The following VPS11 variants were observed in gnomAD, a reference collection of about 807,000 sequenced individuals.
The protein encoded by VPS11 is VPS11 core subunit of CORVET and HOPS complexes.
A neutral mutation model predicts 106.8 loss-of-function variants in VPS11; 51 were observed. The observed-to-expected ratio is 0.48, with a 90% CI of 0.38 to 0.60. The LOEUF is 0.60. Among genes scored for constraint, VPS11 ranks in the 20% least tolerant of loss-of-function variants. The pLI is 0.00. For missense variants in VPS11, 950 were observed against 1,190.0 expected, an observed-to-expected ratio of 0.80 and a Z score of 2.97; for synonymous variants, 453 against 458.7, an observed-to-expected ratio of 0.99 and a Z score of 0.16.
At chr11:119,068,648 A>G (rs893694265) in intron 1 of VPS11, among the ~76,000 whole-genome samples, 2 of 151,766 alleles carry the variant, frequency 1.3e-5, no homozygotes, top group East Asian at 3.9e-4. Flanking sequence ...GGGTTTCACC[A>G]TATTGGCCAG....
chr11:119,075,795 G>A (rs145922215), intron 7 of VPS11, among the ~76,000 whole-genome samples: 198 of 152,046 alleles, frequency 1.3e-3, no homozygotes, highest in Non-Finnish European at 1.9e-3. Flanking sequence ...CCAGCCACTC[G>A]CAAAGCTGAG....
At position 119,069,233 on chromosome 11, in the gene VPS11, A is replaced by G; in HGVS notation, c.225A>G (p.Leu75=). The change falls in exon 2 of 16, where the codon CTA becomes CTG. Residue 75 remains leucine (L), a synonymous_variant. Transcript: ENST00000621676. ...EGQIWFLPRS[L]QLTGFQAYKL... The stretch of plus-strand genomic sequence containing the variant: ...AGATCTGGTTCTTGCCACGTTCCCT[A>G]CAGCTTACAGGCTTCCAAGCCTACA... 1 of 1,613,936 alleles carries G rather than the reference A, an allele frequency of 6.2e-7. No individual in the cohort carries two copies. The highest frequency in any genetic ancestry group is 8.5e-7 in the Non-Finnish European group (1 of 1,179,874).
rs782513138 is a variant in VPS11 at position 119,078,289 on chromosome 11, C to G, written c.1878C>G (p.Leu626=). ...PDSPQGIYDT[L]LELRLQNWAH... The stretch of plus-strand genomic sequence containing the variant: ...CACCCCAGGGGATCTACGACACACT[C>G]CTTGAGCTGCGACTGCAGAACTGGG... The change falls in exon 11 of 16, where the codon CTC becomes CTG. Residue 626 remains leucine, a synonymous_variant. Coordinates refer to ENST00000621676, the MANE Select transcript of VPS11 (RefSeq NM_021729.6). The G allele has an allele frequency of 6.2e-7, 1 of 1,613,150 alleles. No homozygotes were observed. The highest frequency in any genetic ancestry group is 1.1e-5 in the South Asian group (1 of 91,082).
Position 119,078,103 on chromosome 11 carries a change from A to T in VPS11, c.1761+37A>T, listed in dbSNP as rs567079585. 6.6e-4 allele frequency: 1,066 copies of T among 1,609,184 alleles called. 13 individuals are homozygous for T. The Admixed American group carries it at 0.012, about 18-fold the overall frequency. On this transcript the variant is annotated intron_variant, in intron 10 of 15. Transcript: ENST00000621676. Reference sequence around the variant, plus strand: ...GGGAAAAGAGCTTCAGACTGTGGGGATCACCTTAAGGGCTTCCTGTATATC... The same window carrying T: ...GGGAAAAGAGCTTCAGACTGTGGGGTTCACCTTAAGGGCTTCCTGTATATC...
intron 7 of VPS11, among the ~76,000 whole-genome samples, chr11:119,076,063 T>C (rs1945604555): frequency 6.7e-6 from 1 of 149,412 alleles, no homozygotes; most frequent in Non-Finnish European, 1.5e-5. Flanking sequence ...CCGTTTCTAC[T>C]AAAAATACAA....
chr11:119,081,482 T>C lies in VPS11; in HGVS notation c.2685T>C (p.Phe895=). The part of the protein sequence containing the change: ...QHQLKCSNDS[F]SVIADYFGRG... ...AGCTCAAGTGCTCCAATGACAGCTT[T>C]TCTGTGATTGCTGACTACTTTGGCA... Residue 895 remains phenylalanine, a synonymous_variant, in exon 16 of 16, where the codon TTT becomes TTC. Transcript: ENST00000621676. The C allele has an allele frequency of 6.2e-7, 1 of 1,614,048 alleles. No homozygotes were observed. Among genetic ancestry groups the C allele is most frequent in the East Asian group, 2.2e-5 (1 of 44,890 alleles).
intron 7 of VPS11, among the ~76,000 whole-genome samples, chr11:119,076,365 A>G (rs1445844017): frequency 1.3e-5 from 2 of 151,978 alleles, no homozygotes; most frequent in Non-Finnish European, 1.5e-5. Context: ...TGCCTCTACT[A>G]AAAATACAAA....
intron 11 of VPS11, 62 bp downstream of exon 11, chr11:119,078,396 T>C (rs1344399586): frequency 6.3e-7 from 1 of 1,589,132 alleles, no homozygotes; most frequent in Non-Finnish European, 8.5e-7. Context: ...TCTTCCGTCT[T>C]GGTGGCTGCC....
intron 12 of VPS11, 38 bp downstream of exon 12, chr11:119,078,742 C>T: frequency 1.9e-6 from 3 of 1,609,002 alleles, no homozygotes; most frequent in East Asian, 2.2e-5. Flanking sequence ...GGGGAAGAAT[C>T]CAAGTCATTT....
In VPS11 at chr11:119,077,483, C is replaced by G. The variant is rs1395301886; in HGVS notation, c.1426-18C>G. ...TCTCCCTCTGTGTAAATGATTTTGT[C>G]TCATGTCTCCCTGGCAGAAAAAGAG... On this transcript the variant is annotated intron_variant, in intron 8 of 15. Transcript: ENST00000621676. 1 of 1,611,034 alleles carries G rather than the reference C, an allele frequency of 6.2e-7. No individual in the cohort carries two copies. The highest frequency in any genetic ancestry group is 8.5e-7 in the Non-Finnish European group (1 of 1,178,310).
Position 119,076,975 on chromosome 11 carries a change from C to T in VPS11, c.1317C>T (p.Tyr439=), listed in dbSNP as rs1388074468. The stretch of plus-strand genomic sequence containing the variant: ...AGCGCATTCACAACCTGACTGCCTA[C>T]CTGCAGACCCTGCACCGACAATCCC... ...DAQRIHNLTA[Y]LQTLHRQSLA... is the part of the protein sequence containing the mutation. The change falls in exon 8 of 16, where the codon TAC becomes TAT. Residue 439 remains tyrosine, a synonymous_variant. Coordinates refer to ENST00000621676, the MANE Select transcript of VPS11 (RefSeq NM_021729.6). The T allele has an allele frequency of 4.3e-6, 7 of 1,613,976 alleles. No individual in the cohort carries two copies. Among genetic ancestry groups the T allele is most frequent in the African/African-American group, 1.3e-5 (1 of 75,056 alleles).
intron 7 of VPS11, 66 bp downstream of exon 7, chr11:119,074,017 C>A (rs955157701): frequency 7.9e-6 from 12 of 1,528,096 alleles, no homozygotes; most frequent in Non-Finnish European, 1.1e-5. Flanking sequence ...TAGCTAAAGC[C>A]CATCCATGCT....
chr11:119,081,753 C>T lies in VPS11; in HGVS notation c.*130C>T. ...CACTCTCATCTAATGTCACAGCCCT[C>T]AGAACTAAAGCGGACTTTCTTTCCC... On this transcript the variant is annotated 3_prime_UTR_variant, in exon 16 of 16. Transcript: ENST00000621676. The T allele has an allele frequency of 7.9e-7, 1 of 1,271,328 alleles. No homozygotes were observed. Among genetic ancestry groups the T allele is most frequent in the Admixed American group, 2.8e-5 (1 of 36,346 alleles). 78.8% of individuals were successfully genotyped at this position (1,271,328 alleles called of 1,614,324 possible).
Position 119,070,357 on chromosome 11 carries a change from AG to A in VPS11, c.597del (p.Thr200ProfsTer7). 2 of 1,613,442 alleles carry A rather than the reference AG, an allele frequency of 1.2e-6. No homozygotes were observed. Among genetic ancestry groups the A allele is most frequent in the Non-Finnish European group, 1.7e-6 (2 of 1,179,600 alleles). Reference sequence around the variant, plus strand: ...GGATTGGCCTTTCGCCAAGCAGGAAAGACCACTCACTTGTTTGTTGTGACAA... The same window carrying A: ...GGATTGGCCTTTCGCCAAGCAGGAAAACCACTCACTTGTTTGTTGTGACAA... ...VTGLAFRQAGKTTHLFVVTTE... is the reference protein window; with the variant it reads ...VTGLAFRQAGXTTHLFVVTTE... On this transcript the variant is annotated frameshift_variant, in exon 4 of 16. Coordinates refer to ENST00000621676, the MANE Select transcript of VPS11 (RefSeq NM_021729.6). LOFTEE classifies it high-confidence loss of function.
intron 6 of VPS11, 149 bp downstream of exon 6, chr11:119,073,548 G>C (rs1945482191): frequency 9.3e-7 from 1 of 1,071,188 alleles, no homozygotes. Context: ...AAGGTAAATG[G>C]CCTGGGATGG....
chr11:119,067,839 C>T lies in VPS11; in HGVS notation c.16C>T (p.Gln6Ter), dbSNP rs1329249257. MAAYL[Q>*]WRRFVFFDKE... Reference sequence around the variant, plus strand: ...CTGGGCCAAAATGGCGGCCTACCTGCAGTGGCGGCGCTTCGTTTTCTTCGA... The same window carrying T: ...CTGGGCCAAAATGGCGGCCTACCTGTAGTGGCGGCGCTTCGTTTTCTTCGA... Residue 6 changes from glutamine to a stop codon, truncating the protein, a stop_gained, in exon 1 of 16, where the codon CAG (glutamine) becomes TAG (stop). Transcript: ENST00000621676. LOFTEE classifies it high-confidence loss of function. 1 of 1,550,760 alleles carries T rather than the reference C, an allele frequency of 6.4e-7. No individual in the cohort carries two copies. The highest frequency in any genetic ancestry group is 8.7e-7 in the Non-Finnish European group (1 of 1,145,738).
chr11:119,076,797 A>G (rs549568060), intron 7 of VPS11, 100 bp from the exon 8 acceptor site: 2 of 1,387,896 alleles, frequency 1.4e-6, no homozygotes, highest in Admixed American at 2.0e-5. Context: ...ATCCACTGAA[A>G]TAGAATTTGC....
chr11:119,073,132 G>A, intron 5 of VPS11, 66 bp from the exon 6 acceptor site: 1 of 1,538,820 alleles, frequency 6.5e-7, no homozygotes, highest in Admixed American at 2.0e-5. Context: ...AGTTATCATG[G>A]GAAAGGAAAT....
intron 5 of VPS11, 185 bp from the exon 6 acceptor site, chr11:119,073,013 G>C: frequency 9.4e-6 from 6 of 635,010 alleles, no homozygotes; most frequent in Non-Finnish European, 1.6e-5. Context: ...ATCCTAAAGG[G>C]TAAGATCAGG....
Sources: gnomAD v4.1 joint callset for allele counts (sites outside exome capture counted in the v4.1 genomes callset) on GRCh38, gnomAD v4.1.1 for gene constraint, MANE v1.5 for transcripts, NCBI Gene and HGNC (gene_info 2026-07-23, HGNC 2026-07-21) for gene names.